Variants in CSAG1 observed in about 807,000 individuals in gnomAD.
CSAG1 encodes chondrosarcoma-associated gene 1 protein.
CSAG1 carries 4 observed loss-of-function variants against 4.8 expected under a neutral mutation model. That is an observed-to-expected ratio of 0.83 (90% confidence interval 0.41 to 1.90). The LOEUF is 1.90. Among genes scored for constraint, CSAG1 ranks in the 40% most tolerant of loss-of-function variants. The pLI is 0.03. For missense variants in CSAG1, 69 were observed against 59.5 expected (o/e 1.16, Z -0.53); for synonymous variants, 21 against 23.1 (o/e 0.91, Z 0.26).
intron 1 of CSAG1, 81 bp from the exon 2 acceptor site, chrX:152,732,585 A>G (rs1932183496): frequency 8.2e-6 from 9 of 1,094,289 alleles, no homozygotes; most frequent in Non-Finnish European, 1.1e-5. Flanking sequence ...GGGCCAGTCC[A>G]GGGTGAGACT....
chrX:152,732,095 A>T (rs1717064328), intron 2 of CSAG1, among the ~76,000 whole-genome samples: 1 of 112,462 alleles, frequency 8.9e-6, no homozygotes, highest in South Asian at 3.7e-4. Flanking sequence ...GATCTTGAAA[A>T]TTCAAAGGAA....
At chrX:152,730,733 G>T (rs1228659291) in intron 2 of CSAG1, among the ~76,000 whole-genome samples, 1 of 112,334 alleles carries the variant, frequency 8.9e-6, no homozygotes, top group Non-Finnish European at 1.9e-5. Flanking sequence ...AAAACCCATA[G>T]ATCTTTACAG....
rs1932050534 is a variant in CSAG1, at chrX:152,727,853, G to C, written c.178C>G (p.Gln60Glu). 2 of 1,208,516 alleles carry C rather than the reference G, an allele frequency of 1.7e-6. No homozygotes were observed. The highest frequency in any genetic ancestry group is 1.8e-5 in the African/African-American group (1 of 56,846). The change falls in exon 4 of 4, where the codon CAA (glutamine) becomes GAA (glutamate). Residue 60 changes from glutamine (Q) to glutamate (E), a missense_variant. By Grantham distance (29) the Gln-to-Glu change is conservative (BLOSUM62 2). Coordinates refer to ENST00000452779, the MANE Select transcript of CSAG1 (RefSeq NM_001102576.3). ...ACGGGTCCCTTTTCCCTTCTGGGTTGTCTTGGGAACCTGGAAAGCCAACAG... is the reference window on the plus strand; with the variant it reads ...ACGGGTCCCTTTTCCCTTCTGGGTTCTCTTGGGAACCTGGAAAGCCAACAG... ...HPSTPKRFPR[Q>E]PRREKGPVKE... is the part of the protein sequence containing the mutation.
Position 152,727,737 on chromosome X carries a change from G to C in CSAG1, c.*57C>G. On this transcript the variant is annotated 3_prime_UTR_variant, in exon 4 of 4. Transcript: ENST00000452779. ...TGAGTTCCTCGTTCGGCTGGTCAGA[G>C]TGGCTGGATAGTGTTGGCCCACTCC... 1 of 1,176,069 alleles carries C rather than the reference G, an allele frequency of 8.5e-7. No homozygotes were observed. Among genetic ancestry groups the C allele is most frequent in the Non-Finnish European group, 1.2e-6 (1 of 864,088 alleles).
chrX:152,731,255 C>A (rs1165086608), intron 2 of CSAG1, among the ~76,000 whole-genome samples: 4 of 111,644 alleles, frequency 3.6e-5, no homozygotes, highest in African/African-American at 1.3e-4. Context: ...AAGGCTTTCC[C>A]TAATAAAACG....
In CSAG1 at chrX:152,727,616, C is replaced by T; in HGVS notation, c.*178G>A. 1 of 569,306 alleles carries T rather than the reference C, an allele frequency of 1.8e-6. No homozygotes were observed. Among genetic ancestry groups the T allele is most frequent in the Non-Finnish European group, 3.0e-6 (1 of 338,280 alleles). The allele number at this position is 569,306 out of a possible 1,213,427, so 46.9% of individuals were successfully genotyped here. A position where few individuals can be genotyped will look rare whatever the true frequency, so the allele number is the denominator to read the frequency against. On this transcript the variant is annotated 3_prime_UTR_variant, in exon 4 of 4. Coordinates refer to ENST00000452779, the MANE Select transcript of CSAG1 (RefSeq NM_001102576.3). ...GAGACTTTTCAGATAGACTTGAAGT[C>T]TCTGGCCTTGCCTGGGAATTACTGG...
intron 2 of CSAG1, among the ~76,000 whole-genome samples, chrX:152,730,660 A>T (rs1301928923): frequency 2.8e-5 from 3 of 108,177 alleles, no homozygotes; most frequent in Non-Finnish European, 5.8e-5. Flanking sequence ...TAAGCCACCT[A>T]GTCTACACTA....
At chrX:152,727,913 G>A in intron 3 of CSAG1, 50 bp from the exon 4 acceptor site, 1 of 1,196,599 alleles carries the variant, frequency 8.4e-7, no homozygotes, top group Non-Finnish European at 1.1e-6. Context: ...TGGGGAAGAG[G>A]ATGGAGGAGG....
chrX:152,729,992 T>TTATACATATATATATATATATATATA (rs1932120556), intron 2 of CSAG1, among the ~76,000 whole-genome samples: 12 of 64,644 alleles, frequency 1.9e-4, no homozygotes, highest in African/African-American at 6.8e-4. Flanking sequence ...GGTGAATGGA[T>TTATACATATATATATATATATATATA]TATATATATA....
At chrX:152,730,671 T>G in intron 2 of CSAG1, among the ~76,000 whole-genome samples, 1 of 112,452 alleles carries the variant, frequency 8.9e-6, no homozygotes, top group Non-Finnish European at 1.9e-5. Flanking sequence ...GTCTACACTA[T>G]TTTTGTTATG....
At chrX:152,729,163 C>T (rs1458876435) in intron 2 of CSAG1, among the ~76,000 whole-genome samples, 1 of 110,921 alleles carries the variant, frequency 9.0e-6, no homozygotes, top group Non-Finnish European at 1.9e-5. Context: ...CAATTAGACA[C>T]CTATACACAA....
In CSAG1 at chrX:152,731,739, G is replaced by C. The variant is rs781972164; in HGVS notation, c.16+706C>G. Among the ~76,000 whole-genome samples the C allele has an allele frequency of 2.6e-3, 270 of 105,649 alleles. 2 individuals are homozygous for C. Among genetic ancestry groups the C allele is most frequent in the African/African-American group, 8.4e-3 (249 of 29,560 alleles). 91.7% of individuals were successfully genotyped at this position (105,649 alleles called of 115,157 possible). A position where few individuals can be genotyped will look rare whatever the true frequency, so the allele number is the denominator to read the frequency against. ...GATTTAACATCAGAAAAAAAAAAAC[G>C]GTTTCATTGTAATTCCTTACATACA... On this transcript the variant is annotated intron_variant, in intron 2 of 3. Transcript: ENST00000452779.
intron 2 of CSAG1, among the ~76,000 whole-genome samples, chrX:152,728,526 A>C (rs781894120): frequency 9.0e-6 from 1 of 110,904 alleles, no homozygotes; most frequent in African/African-American, 3.3e-5. Flanking sequence ...AATGAACCGC[A>C]ATCTTAAATG....
At chrX:152,733,410 G>A (rs1331113930) in intron 1 of CSAG1, among the ~76,000 whole-genome samples, 2 of 111,687 alleles carry the variant, frequency 1.8e-5, no homozygotes, top group Non-Finnish European at 3.8e-5. Context: ...GGTAAACTTA[G>A]GCAATAATGT....
intron 2 of CSAG1, among the ~76,000 whole-genome samples, chrX:152,729,177 A>G (rs1932097623): frequency 9.0e-6 from 1 of 111,384 alleles, no homozygotes; most frequent in African/African-American, 3.3e-5. Flanking sequence ...TACACAAATT[A>G]TAATAACCTG....
Position 152,728,076 on chromosome X carries a change from C to G in CSAG1, c.165G>C (p.Lys55Asn). 1 of 1,211,157 alleles carries G rather than the reference C, an allele frequency of 8.3e-7. No homozygotes were observed. The change falls in exon 3 of 4, where the codon AAG (lysine) becomes AAC (asparagine). Residue 55 changes from lysine (K) to asparagine (N), a missense_variant and splice_region_variant. Physicochemically the swap from Lys to Asn is moderately conservative, Grantham distance 94. Transcript: ENST00000452779. ...GAGGATGCTTTCCCCTTCCTCGCCT[C>G]TTTGGTGTTGATGGGTGGTTGTTGG... ...PFSNNHPSTP[K>N]RFPRQPRREK...
At chrX:152,730,281 A>T (rs1556228638) in intron 2 of CSAG1, among the ~76,000 whole-genome samples, 1 of 111,706 alleles carries the variant, frequency 9.0e-6, no homozygotes, top group African/African-American at 3.2e-5. Flanking sequence ...TGACAAGCAC[A>T]GGGGATTTAT....
At chrX:152,731,074 A>C (rs1205060924) in intron 2 of CSAG1, among the ~76,000 whole-genome samples, 1 of 112,447 alleles carries the variant, frequency 8.9e-6, no homozygotes, top group African/African-American at 3.2e-5. Context: ...TAAATTGTTT[A>C]GAGATGAAAT....
intron 2 of CSAG1, among the ~76,000 whole-genome samples, chrX:152,729,722 T>C (rs1450715195): frequency 2.7e-5 from 3 of 110,271 alleles, no homozygotes; most frequent in Admixed American, 9.6e-5. Flanking sequence ...CCAAGACCAA[T>C]TGCCAGGGAA....
Sources: allele counts gnomAD v4.1 joint callset (sites outside exome capture counted in the v4.1 genomes callset), GRCh38; gene constraint gnomAD v4.1.1; transcripts MANE v1.5; gene names NCBI Gene and HGNC (gene_info 2026-07-23, HGNC 2026-07-21).